The following LRP1B variants were observed in gnomAD, a reference collection of about 807,000 sequenced individuals.
The protein encoded by LRP1B is LDL receptor related protein 1B, also known as low-density lipoprotein receptor-related protein 1B.
A neutral mutation model predicts 556.6 loss-of-function variants in LRP1B; 217 were observed. That is an observed-to-expected ratio of 0.39 (90% CI 0.35 to 0.44). The LOEUF (loss-of-function observed/expected upper bound fraction) is 0.44. Among genes scored for constraint, LRP1B ranks in the 20% least tolerant of loss-of-function variants. The probability of loss-of-function intolerance (pLI) is 1.00; values close to 1 mark genes in which losing one functional copy is unlikely to be tolerated. For synonymous variants in LRP1B, 2,047 were observed against 1,865.8 expected (o/e 1.10, Z -2.50); for missense variants, 5,053 against 5,620.8 (o/e 0.90, Z 3.23).
intron 35 of LRP1B, among the ~76,000 whole-genome samples, chr2:140,727,227 G>A (rs1381258277): frequency 1.3e-5 from 2 of 152,130 alleles, no homozygotes; most frequent in African/African-American, 4.8e-5. Flanking sequence ...TACTGATGAA[G>A]CTGCAACGTT....
intron 2 of LRP1B, among the ~76,000 whole-genome samples, chr2:141,674,273 A>C (rs899227364): frequency 3.3e-5 from 5 of 151,954 alleles, no homozygotes; most frequent in Non-Finnish European, 5.9e-5. Context: ...TGTTTATTGA[A>C]TTTTTCTAAA....
intron 77 of LRP1B, among the ~76,000 whole-genome samples, chr2:140,336,797 T>G (rs77921083): frequency 0.038 from 5,731 of 151,998 alleles, 193 homozygotes; most frequent in African/African-American, 0.089. Context: ...ACTTATTTTC[T>G]GTGCCCTTCA....
chr2:140,511,173 T>C (rs533041183), intron 51 of LRP1B, among the ~76,000 whole-genome samples: 46 of 152,212 alleles, frequency 3.0e-4, no homozygotes, highest in African/African-American at 1.1e-3. Flanking sequence ...GTGTTTTAAT[T>C]GGATTATCAT....
At chr2:140,475,476 T>C in intron 59 of LRP1B, 139 bp from the exon 60 acceptor site, 1 of 552,890 alleles carries the variant, frequency 1.8e-6, no homozygotes. Context: ...GAAACATCCT[T>C]TGATGCAAAA....
chr2:140,514,814 C>G (rs756154068), intron 50 of LRP1B, 42 bp from the exon 51 acceptor site: 1 of 1,547,992 alleles, frequency 6.5e-7, no homozygotes, highest in Non-Finnish European at 8.8e-7. Context: ...AGTTTGAGAC[C>G]GTCTTACAAC....
chr2:141,422,264 T>G (rs1293628679), intron 3 of LRP1B, among the ~76,000 whole-genome samples: 2 of 152,194 alleles, frequency 1.3e-5, no homozygotes, highest in East Asian at 3.9e-4. Context: ...ACCATAGTAC[T>G]AACCTTAAGG....
chr2:140,780,670 T>C (rs1307004503), intron 32 of LRP1B, among the ~76,000 whole-genome samples: 1 of 152,206 alleles, frequency 6.6e-6, no homozygotes, highest in Non-Finnish European at 1.5e-5. Context: ...TGTATCTCTC[T>C]GCAAATCCTC....
intron 1 of LRP1B, among the ~76,000 whole-genome samples, chr2:142,113,544 A>G (rs1330571810): frequency 3.9e-5 from 6 of 152,004 alleles, no homozygotes; most frequent in Admixed American, 3.9e-4. Flanking sequence ...CATGTAGAAC[A>G]AGGTCTCATC....
intron 84 of LRP1B, among the ~76,000 whole-genome samples, chr2:140,295,557 T>G (rs557300045): frequency 2.0e-5 from 3 of 152,224 alleles, no homozygotes; most frequent in Non-Finnish European, 4.4e-5. Context: ...TTCAATGATA[T>G]TTAATGTAAC....
At chr2:141,718,019 T>C (rs1457827097) in intron 2 of LRP1B, among the ~76,000 whole-genome samples, 1 of 152,184 alleles carries the variant, frequency 6.6e-6, no homozygotes, top group East Asian at 1.9e-4. Context: ...GAATGGCCAC[T>C]GTGGCCATGG....
At chr2:142,092,359 A>C (rs572807947) in intron 1 of LRP1B, among the ~76,000 whole-genome samples, 138 of 152,050 alleles carry the variant, frequency 9.1e-4, no homozygotes, top group Non-Finnish European at 1.5e-3. Context: ...GCATATTAGT[A>C]TTTTCATTTG....
intron 66 of LRP1B, among the ~76,000 whole-genome samples, chr2:140,434,976 G>GA (rs942904268): frequency 2.6e-5 from 4 of 151,980 alleles, no homozygotes; most frequent in Non-Finnish European, 4.4e-5. Context: ...TTGGTGTTGA[G>GA]AAAAAACATT....
chr2:140,565,849 T>C (rs556687304), intron 43 of LRP1B, among the ~76,000 whole-genome samples: 2 of 152,172 alleles, frequency 1.3e-5, no homozygotes, highest in South Asian at 4.2e-4. Flanking sequence ...CTTCTCCCAG[T>C]GGGGAAAAGG....
intron 2 of LRP1B, among the ~76,000 whole-genome samples, chr2:141,717,515 T>C (rs542487022): frequency 6.6e-6 from 1 of 152,178 alleles, no homozygotes; most frequent in Non-Finnish European, 1.5e-5. Flanking sequence ...TATAACTCAA[T>C]GCATCTTTAA....
intron 84 of LRP1B, among the ~76,000 whole-genome samples, chr2:140,280,164 TCTAATACAGATAC>T (rs1294759284): frequency 1.3e-5 from 2 of 151,832 alleles, no homozygotes; most frequent in African/African-American, 2.4e-5. Flanking sequence ...CCTTCTACTT[TCTAATACAGATAC>T]ACAACCACTC....
intron 2 of LRP1B, among the ~76,000 whole-genome samples, chr2:141,637,342 G>T (rs1689139255): frequency 6.6e-6 from 1 of 151,972 alleles, no homozygotes; most frequent in African/African-American, 2.4e-5. Context: ...GGTTCTTGGG[G>T]GCATAAAACA....
At chr2:141,004,460 C>T (rs545966574) in intron 15 of LRP1B, among the ~76,000 whole-genome samples, 79 of 152,090 alleles carry the variant, frequency 5.2e-4, no homozygotes, top group South Asian at 4.2e-3. Context: ...TAAACTGAAC[C>T]ATCAGCACTT....
At chr2:141,256,016 T>A (rs754250060) in intron 3 of LRP1B, among the ~76,000 whole-genome samples, 4 of 151,840 alleles carry the variant, frequency 2.6e-5, no homozygotes, top group African/African-American at 4.8e-5. Context: ...ATTAAAAAAA[T>A]TACAATATGA....
chr2:142,047,375 G>A (rs1704297092), intron 1 of LRP1B, among the ~76,000 whole-genome samples: 1 of 151,416 alleles, frequency 6.6e-6, no homozygotes, highest in Non-Finnish European at 1.5e-5. Flanking sequence ...ACACTTCAAT[G>A]GAAAAAAAAT....
Sources: allele counts gnomAD v4.1 joint callset (sites outside exome capture counted in the v4.1 genomes callset), GRCh38; gene constraint gnomAD v4.1.1; transcripts MANE v1.5; gene names NCBI Gene and HGNC (gene_info 2026-07-23, HGNC 2026-07-21).